SOS1: variants seen among roughly 807,000 people sequenced by gnomAD.
The protein encoded by SOS1 is SOS Ras/Rac guanine nucleotide exchange factor 1.
In SOS1, 25 loss-of-function variants were observed where a neutral mutation model predicts 157.6. The observed-to-expected ratio is 0.16, with a 90% CI of 0.12 to 0.22. The LOEUF (loss-of-function observed/expected upper bound fraction) is 0.22. SOS1 is among the 10% of genes least tolerant of loss of function. The probability of loss-of-function intolerance (pLI) is 1.00; values close to 1 mark genes in which losing one functional copy is unlikely to be tolerated. For missense variants in SOS1, 1,237 were observed against 1,599.1 expected (o/e 0.77, Z 3.86); for synonymous variants, 528 against 534.0 (o/e 0.99, Z 0.16).
chr2:39,064,349 T>C (rs1671515602), intron 2 of SOS1, among the ~76,000 whole-genome samples: 1 of 152,168 alleles, frequency 6.6e-6, no homozygotes, highest in African/African-American at 2.4e-5. Context: ...ACCACCACAG[T>C]GGGGTTTAGG....
At chr2:39,053,698 T>C (rs569044360) in intron 5 of SOS1, among the ~76,000 whole-genome samples, 6 of 152,302 alleles carry the variant, frequency 3.9e-5, no homozygotes, top group Non-Finnish European at 8.8e-5. Flanking sequence ...GTAATTCCTG[T>C]GACCGTCTCA....
intron 17 of SOS1, among the ~76,000 whole-genome samples, chr2:39,005,002 A>G (rs1016579619): frequency 1.1e-4 from 17 of 152,212 alleles, no homozygotes; most frequent in African/African-American, 4.1e-4. Flanking sequence ...CAGTTTAAAA[A>G]TGGACACCTT....
intron 21 of SOS1, among the ~76,000 whole-genome samples, chr2:38,988,625 T>C (rs1668623509): frequency 6.6e-6 from 1 of 152,176 alleles, no homozygotes; most frequent in South Asian, 2.1e-4. Context: ...TTCTTAAGAA[T>C]ATAGTTAATT....
chr2:39,120,247 G>T, intron 1 of SOS1, 89 bp downstream of exon 1: 1 of 1,173,800 alleles, frequency 8.5e-7, no homozygotes, highest in Non-Finnish European at 1.1e-6. Flanking sequence ...AAGAAAGACG[G>T]CCCTGCGCGC....
intron 1 of SOS1, among the ~76,000 whole-genome samples, chr2:39,111,561 C>T (rs1324321244): frequency 6.6e-6 from 1 of 152,118 alleles, no homozygotes; most frequent in Non-Finnish European, 1.5e-5. Flanking sequence ...AACATCCTTA[C>T]TGCTGTTACT....
At chr2:39,122,832 C>A (rs1572909061), upstream of SOS1, among the ~76,000 whole-genome samples, 1 of 152,032 alleles carries the variant, frequency 6.6e-6, no homozygotes, top group East Asian at 1.9e-4. Flanking sequence ...GCCTGAGCCA[C>A]CGCGCCCGGT....
chr2:39,122,201 G>A (rs1010529714), upstream of SOS1, among the ~76,000 whole-genome samples: 2 of 152,088 alleles, frequency 1.3e-5, no homozygotes, highest in African/African-American at 2.4e-5. Flanking sequence ...AGGCCGAGGC[G>A]GATGGATCAC....
intron 10 of SOS1, 66 bp from the exon 11 acceptor site, chr2:39,014,912 A>G: frequency 1.1e-6 from 1 of 921,414 alleles, no homozygotes; most frequent in Non-Finnish European, 1.8e-6. Context: ...ACTGTTATGT[A>G]CATTTTCAAA....
chr2:39,122,023 T>C (rs1273839487), upstream of SOS1, among the ~76,000 whole-genome samples: 2 of 152,266 alleles, frequency 1.3e-5, no homozygotes. Context: ...TGTCCTGCTA[T>C]TCCTGAGAAC....
Position 39,110,760 on chromosome 2 carries a change from G to C in SOS1, c.87+9576C>G, listed in dbSNP as rs562860900. Among the ~76,000 whole-genome samples the C allele has an allele frequency of 3.9e-5, 6 of 152,260 alleles. No homozygotes were observed. In the South Asian group the frequency reaches 1.0e-3, roughly 26 times the overall value. On this transcript the variant is annotated intron_variant, in intron 1 of 22. Coordinates refer to ENST00000402219, the MANE Select transcript of SOS1 (RefSeq NM_005633.4). ...CGGCAAAGGGTTCTTAGATATAAGA[G>C]AGCAATAACCTTAAAAGAAAAAAAC...
chr2:39,113,592 A>C (rs1673523731), intron 1 of SOS1, among the ~76,000 whole-genome samples: 1 of 152,170 alleles, frequency 6.6e-6, no homozygotes, highest in East Asian at 1.9e-4. Context: ...TAACTAAATT[A>C]CATGGGCAAA....
chr2:39,002,118 ACCAGCCTGG>A lies in SOS1; in HGVS notation c.2791+4285_2791+4293del, dbSNP rs557285744. ...GATCACCTGAGGTCAGGAGTTTGAG[ACCAGCCTGG>A]CCAGCCTGGCCAACATGGTGAAACC... is the stretch of plus-strand genomic sequence containing the variant. On this transcript the variant is annotated intron_variant, in intron 17 of 22. Coordinates refer to ENST00000402219, the MANE Select transcript of SOS1 (RefSeq NM_005633.4). 1.6e-3 allele frequency among the ~76,000 whole-genome samples: 237 copies of A among 152,106 alleles called. 4 individuals carry two copies. Among genetic ancestry groups the A allele is most frequent in the African/African-American group, 5.4e-3 (225 of 41,488 alleles).
chr2:39,029,717 A>G (rs942727878), intron 8 of SOS1, among the ~76,000 whole-genome samples: 2 of 152,228 alleles, frequency 1.3e-5, no homozygotes, highest in African/African-American at 4.8e-5. Flanking sequence ...CTGTTTGTTT[A>G]CAATGGCTCC....
chr2:39,054,129 G>A (rs971249602), intron 5 of SOS1, among the ~76,000 whole-genome samples: 5 of 152,008 alleles, frequency 3.3e-5, no homozygotes, highest in Admixed American at 1.3e-4. Flanking sequence ...GGGTTTCACC[G>A]TGTTAGCCAG....
intron 6 of SOS1, among the ~76,000 whole-genome samples, chr2:39,036,855 G>A (rs933506663): frequency 3.2e-4 from 48 of 152,064 alleles, no homozygotes; most frequent in African/African-American, 1.1e-3. Context: ...GATTACAGGT[G>A]TGAGCCACCG....
At chr2:39,000,457 AAAGT>A (rs1669055553) in intron 17 of SOS1, among the ~76,000 whole-genome samples, 1 of 152,194 alleles carries the variant, frequency 6.6e-6, no homozygotes, top group Non-Finnish European at 1.5e-5. Flanking sequence ...ATATAAATAG[AAAGT>A]CTAGTTACTC....
chr2:39,046,923 C>T (rs974383148), intron 6 of SOS1, among the ~76,000 whole-genome samples: 9 of 152,146 alleles, frequency 5.9e-5, no homozygotes, highest in African/African-American at 1.4e-4. Flanking sequence ...AAGTAGTAAA[C>T]GCTCTTGGTC....
chr2:39,102,825 T>C (rs1361759341), intron 1 of SOS1, among the ~76,000 whole-genome samples: 3 of 152,070 alleles, frequency 2.0e-5, no homozygotes, highest in African/African-American at 7.2e-5. Context: ...TGTGGTGGCA[T>C]GCACCTGTAG....
intron 1 of SOS1, among the ~76,000 whole-genome samples, chr2:39,090,329 T>A (rs1407825449): frequency 2.6e-5 from 4 of 152,136 alleles, no homozygotes; most frequent in African/African-American, 9.7e-5. Context: ...TTCTCTTCTT[T>A]GTGGGGGCTG....
Sources: allele counts gnomAD v4.1 joint callset (sites outside exome capture counted in the v4.1 genomes callset), GRCh38; gene constraint gnomAD v4.1.1; transcripts MANE v1.5; gene names NCBI Gene and HGNC (gene_info 2026-07-23, HGNC 2026-07-21).